Variants in DOCK1 observed in about 807,000 individuals in gnomAD.
DOCK1 encodes dedicator of cytokinesis 1.
DOCK1 carries 138 observed loss-of-function variants against 262.7 expected under a neutral mutation model. The ratio of observed to expected loss-of-function variants is 0.53; its 90% confidence interval spans 0.46 to 0.61. The LOEUF is 0.61. DOCK1 is among the 20% of genes least tolerant of loss of function. The pLI is 0.00. For missense variants in DOCK1, 1,908 were observed against 2,370.7 expected (o/e 0.80, Z 4.05); for synonymous variants, 866 against 867.4 (o/e 1.00, Z 0.03).
At chr10:127,008,881 TA>T (rs1212743697) in intron 11 of DOCK1, 77 bp downstream of exon 11, 14 of 1,250,660 alleles carry the variant, frequency 1.1e-5, no homozygotes, top group Non-Finnish European at 1.3e-5. Flanking sequence ...TCTTTATAAT[TA>T]AATGGATAAA....
intron 32 of DOCK1, among the ~76,000 whole-genome samples, chr10:127,360,300 G>A (rs111968127): frequency 1.3e-3 from 195 of 152,200 alleles, no homozygotes; most frequent in African/African-American, 4.4e-3. Context: ...CCGCAGCCAC[G>A]CACCCACAGG....
At chr10:127,009,492 C>T (rs186113307) in intron 11 of DOCK1, among the ~76,000 whole-genome samples, 21 of 152,142 alleles carry the variant, frequency 1.4e-4, no homozygotes, top group Admixed American at 1.2e-3. Context: ...TCGTTGGCCA[C>T]TTAAGCACTC....
At chr10:127,397,577 T>C (rs180939947) in intron 38 of DOCK1, among the ~76,000 whole-genome samples, 3 of 151,106 alleles carry the variant, frequency 2.0e-5, no homozygotes, top group African/African-American at 7.3e-5. Flanking sequence ...CAGTGTGTCC[T>C]TTGTGATCTG....
At chr10:127,330,716 C>A (rs1480019836) in intron 29 of DOCK1, among the ~76,000 whole-genome samples, 1 of 152,200 alleles carries the variant, frequency 6.6e-6, no homozygotes, top group East Asian at 1.9e-4. Context: ...CAAGAGCAAG[C>A]ACTTCCAGGG....
intron 29 of DOCK1, among the ~76,000 whole-genome samples, chr10:127,273,069 C>A (rs1305935830): frequency 6.6e-6 from 1 of 152,192 alleles, no homozygotes; most frequent in East Asian, 1.9e-4. Context: ...TATCAACCAC[C>A]TTTCCTCTTC....
At chr10:127,311,899 C>T (rs1434635600) in intron 29 of DOCK1, among the ~76,000 whole-genome samples, 1 of 152,004 alleles carries the variant, frequency 6.6e-6, no homozygotes, top group Non-Finnish European at 1.5e-5. Context: ...GAGTCTCACT[C>T]TGTCACCCAG....
rs1263939301 is a variant in DOCK1 at position 127,280,323 on chromosome 10, C to T, written c.3044+22894C>T. Among the ~76,000 whole-genome samples the T allele has an allele frequency of 3.9e-5, 6 of 152,068 alleles. 1 individual carries two copies. Among genetic ancestry groups the T allele is most frequent in the South Asian group, 4.1e-4 (2 of 4,834 alleles). On this transcript the variant is annotated intron_variant, in intron 29 of 51. Transcript: ENST00000623213. ...TGCTGGGATTACAGGCGTGAGCCACCGCGCCCGGCCTTCATATATTTTTAT... is the reference window on the plus strand; with the variant it reads ...TGCTGGGATTACAGGCGTGAGCCACTGCGCCCGGCCTTCATATATTTTTAT...
At chr10:127,242,968 G>T (rs995302206) in intron 27 of DOCK1, among the ~76,000 whole-genome samples, 2 of 152,124 alleles carry the variant, frequency 1.3e-5, no homozygotes, top group Admixed American at 6.5e-5. Flanking sequence ...GCTGGGAACT[G>T]CCCAGAGATC....
At chr10:127,151,108 T>C (rs532700042) in intron 27 of DOCK1, among the ~76,000 whole-genome samples, 1 of 152,326 alleles carries the variant, frequency 6.6e-6, no homozygotes, top group South Asian at 2.1e-4. Flanking sequence ...TATCATCTCT[T>C]CCTGCAGACC....
At chr10:127,212,184 C>G (rs1300170696) in intron 27 of DOCK1, among the ~76,000 whole-genome samples, 2 of 152,112 alleles carry the variant, frequency 1.3e-5, no homozygotes, top group Non-Finnish European at 2.9e-5. Context: ...ACTGATTTCT[C>G]AGAGTTGTTT....
chr10:126,918,396 T>C (rs2032765800), intron 1 of DOCK1, among the ~76,000 whole-genome samples: 1 of 152,240 alleles, frequency 6.6e-6, no homozygotes, highest in Non-Finnish European at 1.5e-5. Context: ...CTGGTGTGCT[T>C]GTCCAAGGTG....
At position 127,381,374 on chromosome 10, in the gene DOCK1, G is replaced by A. The variant is rs1258622529; in HGVS notation, c.3807+6G>A. 1.2e-6 allele frequency: 2 copies of A among 1,602,266 alleles called. No individual in the cohort carries two copies. Among genetic ancestry groups the A allele is most frequent in the East Asian group, 4.5e-5 (2 of 44,720 alleles). The stretch of plus-strand genomic sequence containing the variant: ...TCCATGCAAAGCTTCTTAAGGTAAT[G>A]TCAATTACCAGTCACCTTGATGATT... On this transcript the variant is annotated splice_donor_region_variant and intron_variant, in intron 37 of 51. Coordinates refer to ENST00000623213, the MANE Select transcript of DOCK1 (RefSeq NM_001290223.2).
intron 23 of DOCK1, among the ~76,000 whole-genome samples, 153 bp downstream of exon 23, chr10:127,061,929 C>CTTTTTT (rs562310710): frequency 7.0e-5 from 5 of 71,794 alleles, no homozygotes; most frequent in African/African-American, 2.6e-4. Flanking sequence ...AAGAGCTGTG[C>CTTTTTT]TTTTTTTTTT....
At chr10:127,367,905 G>A (rs2133989768) in intron 33 of DOCK1, among the ~76,000 whole-genome samples, 1 of 152,278 alleles carries the variant, frequency 6.6e-6, no homozygotes, top group South Asian at 2.1e-4. Flanking sequence ...GGGGAGGTGG[G>A]GATACATGTG....
Position 126,938,487 on chromosome 10 carries a change from A to G in DOCK1, c.47-32215A>G, listed in dbSNP as rs1483671046. Among the ~76,000 whole-genome samples, 10 of 152,162 alleles carry G rather than the reference A, an allele frequency of 6.6e-5. No homozygotes were observed. In the East Asian group the frequency reaches 7.8e-4, roughly 12 times the overall value. Reference sequence around the variant, plus strand: ...GTGAGGATTTATTTCCGGGCTCTCTATTCTCTTCTATTGGTCTCTGTATAT... The same window carrying G: ...GTGAGGATTTATTTCCGGGCTCTCTGTTCTCTTCTATTGGTCTCTGTATAT... On this transcript the variant is annotated intron_variant, in intron 1 of 51. Coordinates refer to ENST00000623213, the MANE Select transcript of DOCK1 (RefSeq NM_001290223.2).
intron 23 of DOCK1, among the ~76,000 whole-genome samples, chr10:127,094,852 G>A (rs906955503): frequency 6.6e-6 from 1 of 152,150 alleles, no homozygotes; most frequent in African/African-American, 2.4e-5. Flanking sequence ...TGAATTTTAA[G>A]TGTTTTTCAG....
chr10:127,172,368 C>T lies in DOCK1; in HGVS notation c.2847+44604C>T, dbSNP rs1454337924. Among the ~76,000 whole-genome samples the T allele has an allele frequency of 2.6e-5, 4 of 152,270 alleles. No individual in the cohort carries two copies. In the East Asian group the frequency reaches 7.7e-4, roughly 29 times the overall value. ...TCCAGAGCCTGTTGTTCCAGATGTC[C>T]CAGCCCAGTGCTGGCTGCCACTGCT... is the stretch of plus-strand genomic sequence containing the variant. On this transcript the variant is annotated intron_variant, in intron 27 of 51. Transcript: ENST00000623213.
At chr10:127,256,897 G>C (rs1010921724) in intron 28 of DOCK1, among the ~76,000 whole-genome samples, 1 of 152,184 alleles carries the variant, frequency 6.6e-6, no homozygotes, top group East Asian at 1.9e-4. Flanking sequence ...TTGAAATTCC[G>C]TAAGAGAAAG....
intron 29 of DOCK1, among the ~76,000 whole-genome samples, chr10:127,266,576 G>A (rs937878035): frequency 2.0e-5 from 3 of 151,914 alleles, no homozygotes; most frequent in Admixed American, 6.6e-5. Flanking sequence ...AAAATAGAGA[G>A]GGCACTTGGC....
Sources: gnomAD v4.1 joint callset for allele counts (sites outside exome capture counted in the v4.1 genomes callset) on GRCh38, gnomAD v4.1.1 for gene constraint, MANE v1.5 for transcripts, NCBI Gene and HGNC (gene_info 2026-07-23, HGNC 2026-07-21) for gene names.